The following NCOA2 variants were observed in gnomAD, a reference collection of about 807,000 sequenced individuals.
NCOA2 encodes class E basic helix-loop-helix protein 75.
In NCOA2, 21 loss-of-function variants were observed where a neutral mutation model predicts 145.1. The ratio of observed to expected loss-of-function variants is 0.14; its 90% CI spans 0.10 to 0.21. NCOA2 has a LOEUF of 0.21. NCOA2 is among the 10% of genes least tolerant of loss of function. NCOA2 has a pLI of 1.00. For synonymous variants in NCOA2, 619 were observed against 637.5 expected (o/e 0.97, Z 0.44); for missense variants, 1,472 against 1,837.6 (o/e 0.80, Z 3.64).
chr8:70,134,176 A>C (rs4074358), intron 15 of NCOA2, among the ~76,000 whole-genome samples: 16,191 of 152,210 alleles, frequency 0.11, 1,314 homozygotes, highest in East Asian at 0.41. Context: ...ACCAAATGTG[A>C]TCAGACTGCT....
At position 70,174,830 on chromosome 8, in the gene NCOA2, C is replaced by T. The variant is rs1012346851; in HGVS notation, c.289G>A (p.Val97Met). The change falls in exon 5 of 23, where the codon GTG (valine) becomes ATG (methionine). Residue 97 changes from valine to methionine, a missense_variant. Val to Met is a conservative substitution (Grantham distance 21). Coordinates refer to ENST00000452400, the MANE Select transcript of NCOA2 (RefSeq NM_006540.4). ...EKAAAANIDE[V>M]QKSDVSSTGQ... ...GTAGAGGATACATCTGACTTCTGCA[C>T]TTCATCTATGTTGGCAGCTGCTGCT... 1.9e-6 allele frequency: 3 copies of T among 1,613,582 alleles called. No individual in the cohort carries two copies. The African/African-American group carries it at 4.0e-5, about 22-fold the overall frequency.
chr8:70,385,292 A>G (rs1394156576), intron 1 of NCOA2, among the ~76,000 whole-genome samples: 1 of 152,224 alleles, frequency 6.6e-6, no homozygotes, highest in African/African-American at 2.4e-5. Context: ...GACAATAACA[A>G]CAGCGAACAT....
chr8:70,435,318 G>A, the NCOA2 span, among the ~76,000 whole-genome samples: 2 of 148,854 alleles, frequency 1.3e-5, no homozygotes, highest in Non-Finnish European at 3.0e-5. Context: ...CCAGCTACTC[G>A]GGAGGCTGAG....
At chr8:70,267,802 T>C (rs1824737794) in intron 2 of NCOA2, among the ~76,000 whole-genome samples, 9 of 152,168 alleles carry the variant, frequency 5.9e-5, no homozygotes, top group Admixed American at 5.9e-4. Context: ...ATTTATCACA[T>C]AAGGCACAAA....
At chr8:70,430,854 G>C in the NCOA2 span, among the ~76,000 whole-genome samples, 11 of 152,150 alleles carry the variant, frequency 7.2e-5, no homozygotes, top group Non-Finnish European at 1.5e-4. Context: ...AAGAATCCAG[G>C]AAATGAAGTA....
chr8:70,427,495 T>TTTTAGTATGAATGCTTTC, the NCOA2 span, among the ~76,000 whole-genome samples: 6 of 55,268 alleles, frequency 1.1e-4, no homozygotes, highest in Non-Finnish European at 1.7e-4. Flanking sequence ...TCAGATTATC[T>TTTTAGTATGAATGCTTTC]ATTGGTCAGC....
chr8:70,449,438 G>A, the NCOA2 span, among the ~76,000 whole-genome samples: 129 of 152,282 alleles, frequency 8.5e-4, no homozygotes, highest in African/African-American at 2.9e-3. Context: ...AAAGGTGTGG[G>A]TAAAGCAGGA....
At chr8:70,365,429 T>C (rs947869049) in intron 1 of NCOA2, among the ~76,000 whole-genome samples, 1 of 152,218 alleles carries the variant, frequency 6.6e-6, no homozygotes, top group Non-Finnish European at 1.5e-5. Context: ...CCTATTCTAG[T>C]TAAAAACAAG....
In NCOA2 at chr8:70,290,107, TCTTA is replaced by T. The variant is rs1826546690; in HGVS notation, c.-20+6633_-20+6636del. On this transcript the variant is annotated intron_variant, in intron 2 of 22. Coordinates refer to ENST00000452400, the MANE Select transcript of NCOA2 (RefSeq NM_006540.4). ...GCTAAATGCTACCCCTACGTATACTTCTTACTTTCTCTTTAATCTTTGTAGATGA... is the reference window on the plus strand; with the variant it reads ...GCTAAATGCTACCCCTACGTATACTTCTTTCTCTTTAATCTTTGTAGATGA... 2.0e-5 allele frequency among the ~76,000 whole-genome samples: 3 copies of T among 152,300 alleles called. No homozygotes were observed. In the South Asian group the frequency reaches 6.2e-4, roughly 32 times the overall value.
At chr8:70,324,428 A>C (rs367620753) in intron 1 of NCOA2, among the ~76,000 whole-genome samples, 1 of 152,098 alleles carries the variant, frequency 6.6e-6, no homozygotes, top group Non-Finnish European at 1.5e-5. Flanking sequence ...TCTCAAACTT[A>C]TTGGGCGCAA....
At chr8:70,385,069 T>C (rs940428850) in intron 1 of NCOA2, among the ~76,000 whole-genome samples, 5 of 152,186 alleles carry the variant, frequency 3.3e-5, no homozygotes, top group African/African-American at 7.2e-5. Context: ...CACCCTTCAA[T>C]TGATAAAGAA....
chr8:70,206,257 C>T (rs1292834837), intron 4 of NCOA2, among the ~76,000 whole-genome samples: 1 of 149,922 alleles, frequency 6.7e-6, no homozygotes, highest in Non-Finnish European at 1.5e-5. Flanking sequence ...GTGGGTACTT[C>T]TGAGTGTACT....
chr8:70,139,513 A>T (rs187308215), intron 14 of NCOA2, among the ~76,000 whole-genome samples: 27 of 152,320 alleles, frequency 1.8e-4, no homozygotes, highest in African/African-American at 6.0e-4. Flanking sequence ...CATTCAATGT[A>T]GTGAGGCAAT....
rs201737764 is a variant in NCOA2, at chr8:70,138,290, C to T, written c.3071G>A (p.Ser1024Asn). 1.3e-4 allele frequency: 212 copies of T among 1,613,306 alleles called. No individual in the cohort carries two copies. The African/African-American group carries it at 2.5e-3, about 19-fold the overall frequency. The stretch of plus-strand genomic sequence containing the variant: ...CTGATTTGGAGGAGCTTGTTGTTGG[C>T]TATACTGAGGTCCCCCCATGTTCAT... ...LEMNMGGPQY[S>N]QQQAPPNQTA... is the part of the protein sequence containing the mutation. The change falls in exon 15 of 23, where the codon AGC becomes AAC. Residue 1024 changes from serine to asparagine, a missense_variant. By Grantham distance (46) the Ser-to-Asn change is conservative (BLOSUM62 1). Around this residue, in one of 4 missense-constraint regions of NCOA2, gnomAD observed 953 missense variants for 1,062.1 expected, o/e 0.90. Transcript: ENST00000452400.
At position 70,157,165 on chromosome 8, in the gene NCOA2, A is replaced by G; in HGVS notation, c.1200T>C (p.Ser400=). The G allele has an allele frequency of 6.2e-7, 1 of 1,607,290 alleles. No homozygotes were observed. The highest frequency in any genetic ancestry group is 1.7e-4 in the Middle Eastern group (1 of 6,030). ...ACAGGGCCTGATGGGCAGGGCTGTT[A>G]GAGCTAATTGGATTCAGTGGCTTCC... ...TMGKPLNPIS[S]NSPAHQALCS... is the part of the protein sequence containing the mutation. The change falls in exon 11 of 23, where the codon TCT becomes TCC. Residue 400 remains serine (S), a synonymous_variant. Coordinates refer to ENST00000452400, the MANE Select transcript of NCOA2 (RefSeq NM_006540.4).
At chr8:70,431,200 T>C in the NCOA2 span, among the ~76,000 whole-genome samples, 1 of 151,890 alleles carries the variant, frequency 6.6e-6, no homozygotes, top group African/African-American at 2.4e-5. Flanking sequence ...ATATTTTAAA[T>C]TAAATAAATA....
At chr8:70,117,725 T>G (rs924691235) in intron 22 of NCOA2, among the ~76,000 whole-genome samples, 2 of 152,198 alleles carry the variant, frequency 1.3e-5, no homozygotes, top group African/African-American at 4.8e-5. Context: ...TGGATTTACT[T>G]CCCAGTGTTG....
Position 70,174,746 on chromosome 8 carries a change from G to A in NCOA2, c.363+10C>T. ...TTTTAAAATACAGCACTAAAATGAA[G>A]ATGTGCTACCTCAAGCATCATAGGC... On this transcript the variant is annotated intron_variant, in intron 5 of 22. Coordinates refer to ENST00000452400, the MANE Select transcript of NCOA2 (RefSeq NM_006540.4). 1 of 1,604,330 alleles carries A rather than the reference G, an allele frequency of 6.2e-7. No homozygotes were observed. The highest frequency in any genetic ancestry group is 1.1e-5 in the South Asian group (1 of 90,902).
At chr8:70,444,210 CACA>C in the NCOA2 span, among the ~76,000 whole-genome samples, 1 of 152,112 alleles carries the variant, frequency 6.6e-6, no homozygotes, top group Non-Finnish European at 1.5e-5. Flanking sequence ...TATTGATATA[CACA>C]ACAACTTGAA....
Sources: gnomAD v4.1 joint callset for allele counts (sites outside exome capture counted in the v4.1 genomes callset) on GRCh38, gnomAD v4.1.1 for gene constraint, gnomAD v4.1.1 regional missense constraint, MANE v1.5 for transcripts, NCBI Gene and HGNC (gene_info 2026-07-23, HGNC 2026-07-21) for gene names.